Variants in ADARB2 observed in about 807,000 individuals in gnomAD.
ADARB2 encodes adenosine deaminase RNA specific B2 (inactive).
In ADARB2, 25 loss-of-function variants were observed where a neutral mutation model predicts 62.2. The ratio of observed to expected loss-of-function variants is 0.40; its 90% CI spans 0.29 to 0.56. The LOEUF is 0.56. Among genes scored for constraint, ADARB2 ranks in the 20% least tolerant of loss-of-function variants. ADARB2 has a pLI of 0.43. For synonymous variants in ADARB2, 572 were observed against 500.8 expected, an observed-to-expected ratio of 1.14 and a Z score of -1.90; for missense variants, 1,071 against 1,077.4, an observed-to-expected ratio of 0.99 and a Z score of 0.08.
intron 3 of ADARB2, among the ~76,000 whole-genome samples, chr10:1,326,964 ACGGCCCAGCGC>A (rs1831860843): frequency 1.9e-5 from 1 of 52,582 alleles, no homozygotes; most frequent in African/African-American, 6.6e-5. Flanking sequence ...GCGCCTCCCC[ACGGCCCAGCGC>A]CTCCCCACGG....
intron 1 of ADARB2, among the ~76,000 whole-genome samples, chr10:1,715,411 T>C (rs986153157): frequency 1.3e-5 from 2 of 152,202 alleles, no homozygotes; most frequent in African/African-American, 4.8e-5. Flanking sequence ...TTAATATTTG[T>C]TTTTTACTGT....
In ADARB2 at chr10:1,323,250, T is replaced by TAA. The variant is rs201803705; in HGVS notation, c.1077+39776_1077+39777dup. ...GATTCTATGGGATACTTTGAAATTG[T>TAA]AAAAAAAAAAAAAAAAAACACTGTT... On this transcript the variant is annotated intron_variant, in intron 3 of 9. Coordinates refer to ENST00000381312, the MANE Select transcript of ADARB2 (RefSeq NM_018702.4). Among the ~76,000 whole-genome samples, 280 of 130,456 alleles carry TAA rather than the reference T, an allele frequency of 2.1e-3. 2 individuals carry two copies. The highest frequency in any genetic ancestry group is 5.5e-3 in the African/African-American group (208 of 38,128). The allele number at this position is 130,456 out of a possible 152,430, so 85.6% of individuals were successfully genotyped here. A position where few individuals can be genotyped will look rare whatever the true frequency, so the allele number is the denominator to read the frequency against.
chr10:1,695,556 G>T (rs1175930550), intron 1 of ADARB2, among the ~76,000 whole-genome samples: 1 of 152,138 alleles, frequency 6.6e-6, no homozygotes, highest in South Asian at 2.1e-4. Context: ...AGAGGCAAAG[G>T]GCAGGAGCAA....
intron 6 of ADARB2, among the ~76,000 whole-genome samples, chr10:1,223,834 A>G (rs1414242601): frequency 1.3e-5 from 2 of 152,174 alleles, no homozygotes; most frequent in South Asian, 2.1e-4. Flanking sequence ...CCCGTATTTT[A>G]TTGAGAATTT....
At chr10:1,725,200 C>T (rs1688242361) in intron 1 of ADARB2, among the ~76,000 whole-genome samples, 1 of 152,182 alleles carries the variant, frequency 6.6e-6, no homozygotes. Context: ...AAAATAGATA[C>T]ATCCAATCTC....
chr10:1,646,135 G>A (rs543076618), intron 1 of ADARB2, among the ~76,000 whole-genome samples: 1 of 152,136 alleles, frequency 6.6e-6, no homozygotes, highest in Non-Finnish European at 1.5e-5. Context: ...GTGAGTTAGG[G>A]GCAGCTTAAA....
chr10:1,607,284 G>A (rs763714636), intron 1 of ADARB2, among the ~76,000 whole-genome samples: 13 of 152,144 alleles, frequency 8.5e-5, no homozygotes, highest in East Asian at 1.9e-4. Context: ...GATTCACCAC[G>A]TCCATCAGAG....
chr10:1,393,786 G>C (rs1564278080), intron 1 of ADARB2, among the ~76,000 whole-genome samples: 1 of 152,114 alleles, frequency 6.6e-6, no homozygotes, highest in Non-Finnish European at 1.5e-5. Context: ...AGATACAGGT[G>C]GTCCTTCAAA....
rs376154657 is a variant in ADARB2 at position 1,363,076 on chromosome 10, C to T, written c.1029G>A (p.Gln343=). The T allele has an allele frequency of 2.4e-4, 347 of 1,470,098 alleles. No individual in the cohort carries two copies. The highest frequency in any genetic ancestry group is 2.9e-4 in the Non-Finnish European group (326 of 1,114,966). The allele number at this position is 1,470,098 out of a possible 1,614,324, so 91.1% of individuals were successfully genotyped here. ...CCCTGCCGGGCGCGTGGCCGGGCATCTGGATGTCGAACAGCTCCTGCAGTG... is the reference window on the plus strand; with the variant it reads ...CCCTGCCGGGCGCGTGGCCGGGCATTTGGATGTCGAACAGCTCCTGCAGTG... The part of the protein sequence containing the change: ...QAALQELFDI[Q]MPGHAPGRAR... The change falls in exon 3 of 10, where the codon CAG becomes CAA. Residue 343 remains glutamine, a synonymous_variant. Transcript: ENST00000381312.
intron 1 of ADARB2, among the ~76,000 whole-genome samples, chr10:1,585,596 C>T (rs936239206): frequency 6.6e-6 from 1 of 152,232 alleles, no homozygotes; most frequent in Non-Finnish European, 1.5e-5. Context: ...CCTCCTCTCA[C>T]ATGGGAATTG....
chr10:1,598,027 C>G lies in ADARB2; in HGVS notation c.100+139024G>C, dbSNP rs572741690. Among the ~76,000 whole-genome samples the G allele has an allele frequency of 1.1e-4, 16 of 152,346 alleles. 1 individual carries two copies. In the South Asian group the frequency reaches 3.3e-3, roughly 32 times the overall value. On this transcript the variant is annotated intron_variant, in intron 1 of 9. Transcript: ENST00000381312. Reference sequence around the variant, plus strand: ...AAGAAAAATAACTCAGAGCATGTATCAAATGCCACATGTTCTGACTTGTAA... The same window carrying G: ...AAGAAAAATAACTCAGAGCATGTATGAAATGCCACATGTTCTGACTTGTAA...
intron 3 of ADARB2, among the ~76,000 whole-genome samples, chr10:1,335,387 G>A (rs150332693): frequency 0.013 from 1,886 of 150,594 alleles, 50 homozygotes; most frequent in African/African-American, 0.043. Context: ...GGGAGAAAAG[G>A]ATAGAGGGGT....
chr10:1,544,010 A>C (rs553117386), intron 1 of ADARB2, among the ~76,000 whole-genome samples: 742 of 33,088 alleles, frequency 0.022, 9 homozygotes, highest in South Asian at 0.083. Context: ...AAAAAAAAAA[A>C]AAACAAACAA....
chr10:1,569,000 G>A (rs940012313), intron 1 of ADARB2, among the ~76,000 whole-genome samples: 3 of 152,096 alleles, frequency 2.0e-5, no homozygotes, highest in Non-Finnish European at 4.4e-5. Flanking sequence ...AGGCGAGATG[G>A]TGAGAGAGAG....
chr10:1,257,941 G>A (rs1831094896), intron 4 of ADARB2, among the ~76,000 whole-genome samples: 1 of 152,184 alleles, frequency 6.6e-6, no homozygotes, highest in Non-Finnish European at 1.5e-5. Flanking sequence ...GAGGGTTACA[G>A]CTTCACTCAG....
intron 1 of ADARB2, among the ~76,000 whole-genome samples, chr10:1,470,830 G>T (rs1213707158): frequency 6.6e-6 from 1 of 152,214 alleles, no homozygotes; most frequent in Non-Finnish European, 1.5e-5. Context: ...GGAGGCTGAG[G>T]CGGGTGGATC....
intron 1 of ADARB2, among the ~76,000 whole-genome samples, chr10:1,425,489 A>G (rs1445547359): frequency 2.0e-5 from 3 of 152,150 alleles, no homozygotes; most frequent in Non-Finnish European, 4.4e-5. Flanking sequence ...AATCTTTTAT[A>G]CTGAATGTGT....
chr10:1,241,238 G>A (rs923550545), intron 5 of ADARB2, among the ~76,000 whole-genome samples: 4 of 151,952 alleles, frequency 2.6e-5, no homozygotes, highest in South Asian at 4.2e-4. Context: ...CAGCCTGGGC[G>A]ACAGAGCAAG....
chr10:1,526,738 C>T, intron 1 of ADARB2: 1 of 380,688 alleles, frequency 2.6e-6, no homozygotes, highest in South Asian at 2.0e-5. Flanking sequence ...TCGGGTGTTC[C>T]TTTCTAGCAA....
Sources: allele counts gnomAD v4.1 joint callset (sites outside exome capture counted in the v4.1 genomes callset), GRCh38; gene constraint gnomAD v4.1.1; transcripts MANE v1.5; gene names NCBI Gene and HGNC (gene_info 2026-07-23, HGNC 2026-07-21).